The following FAM186B variants were observed in gnomAD, a reference collection of about 807,000 sequenced individuals.
FAM186B encodes protein FAM186B.
FAM186B carries 68 observed loss-of-function variants against 83.4 expected under a neutral mutation model. The ratio of observed to expected loss-of-function variants is 0.81; its 90% CI spans 0.67 to 1.00. The LOEUF is 1.00. FAM186B is among the 50% of genes least tolerant of loss of function. The probability of loss-of-function intolerance (pLI) is 0.00; values close to 1 mark genes in which losing one functional copy is unlikely to be tolerated. For synonymous variants in FAM186B, 389 were observed against 422.0 expected, an observed-to-expected ratio of 0.92 and a Z score of 0.96; for missense variants, 983 against 1,099.2, an observed-to-expected ratio of 0.89 and a Z score of 1.49.
chr12:49,587,598 A>C lies in FAM186B; in HGVS notation c.*7T>G, dbSNP rs775582547. On this transcript the variant is annotated 3_prime_UTR_variant, in exon 7 of 7. Coordinates refer to ENST00000257894, the MANE Select transcript of FAM186B (RefSeq NM_032130.3). Reference sequence around the variant, plus strand: ...TTCAGGAAGTTCAGGCTTTTGTGGCAGGAGGACTACACGTCCAGTGTCAAC... The same window carrying C: ...TTCAGGAAGTTCAGGCTTTTGTGGCCGGAGGACTACACGTCCAGTGTCAAC... The C allele has an allele frequency of 5.9e-5, 95 of 1,613,970 alleles. No homozygotes were observed.
chr12:49,610,084 A>T (rs1438514011), upstream of FAM186B, among the ~76,000 whole-genome samples: 1 of 152,022 alleles, frequency 6.6e-6, no homozygotes, highest in Non-Finnish European at 1.5e-5. Flanking sequence ...CAAAAGACCC[A>T]ATCTAATATT....
intron 5 of FAM186B, among the ~76,000 whole-genome samples, chr12:49,589,492 C>T (rs1939529903): frequency 6.6e-6 from 1 of 152,130 alleles, no homozygotes; most frequent in Non-Finnish European, 1.5e-5. Context: ...GAGAGCTATT[C>T]CTGCCATATG....
chr12:49,608,890 T>C (rs1940059128), upstream of FAM186B, among the ~76,000 whole-genome samples: 1 of 151,982 alleles, frequency 6.6e-6, no homozygotes, highest in Non-Finnish European at 1.5e-5. Flanking sequence ...TTGGAGACAC[T>C]GAGAAGGAAA....
At chr12:49,603,512 A>T (rs1939944281) in intron 2 of FAM186B, 145 bp from the exon 3 acceptor site, 2 of 738,256 alleles carry the variant, frequency 2.7e-6, no homozygotes, top group Non-Finnish European at 2.2e-6. Context: ...CAAGTCACTT[A>T]TCCCCCTGAG....
chr12:49,599,464 C>T lies in FAM186B; in HGVS notation c.2171+5G>A. On this transcript the variant is annotated splice_donor_5th_base_variant and intron_variant, in intron 4 of 6. Coordinates refer to ENST00000257894, the MANE Select transcript of FAM186B (RefSeq NM_032130.3). ...GGTGCCAGGTGGGTTCCAGGGAGGA[C>T]CTACCGGAGGCTCTGGAGGCGTCTA... The T allele has an allele frequency of 6.6e-7, 1 of 1,522,784 alleles. No individual in the cohort carries two copies. Among genetic ancestry groups the T allele is most frequent in the Non-Finnish European group, 8.8e-7 (1 of 1,137,878 alleles). The allele number at this position is 1,522,784 out of a possible 1,614,324, so 94.3% of individuals were successfully genotyped here. A position where few individuals can be genotyped will look rare whatever the true frequency, so the allele number is the denominator to read the frequency against.
chr12:49,606,788 C>T (rs925659313), upstream of FAM186B, among the ~76,000 whole-genome samples: 5 of 152,096 alleles, frequency 3.3e-5, no homozygotes, highest in African/African-American at 1.2e-4. Context: ...ACTCCATTGA[C>T]AGTCATAGAA....
upstream of FAM186B, among the ~76,000 whole-genome samples, chr12:49,610,003 T>C (rs1168554011): frequency 6.6e-6 from 1 of 152,220 alleles, no homozygotes. Context: ...TGCCATCTAC[T>C]GGCCTGTACA....
Position 49,605,537 on chromosome 12 carries a change from A to G in FAM186B, c.-60T>C. On this transcript the variant is annotated 5_prime_UTR_variant, in exon 1 of 7. Coordinates refer to ENST00000257894, the MANE Select transcript of FAM186B (RefSeq NM_032130.3). ...GTTTCTGGTCCACAGGCCTGGACAC[A>G]CAATGTTGCCTGCTTTGGAGGTTAA... 1.3e-6 allele frequency: 2 copies of G among 1,557,562 alleles called. No homozygotes were observed. The highest frequency in any genetic ancestry group is 1.2e-5 in the South Asian group (1 of 82,994).
chr12:49,588,387 C>T (rs1939497262), intron 6 of FAM186B, 67 bp downstream of exon 6: 1 of 1,527,142 alleles, frequency 6.5e-7, no homozygotes, highest in Admixed American at 2.0e-5. Flanking sequence ...CCTCCCCAGG[C>T]TGGTCACCCC....
At chr12:49,614,597 A>T in the FAM186B span, among the ~76,000 whole-genome samples, 1 of 152,160 alleles carries the variant, frequency 6.6e-6, no homozygotes, top group Admixed American at 6.5e-5. Flanking sequence ...GGAGAAAAGG[A>T]GGAAAGGGCT....
At chr12:49,599,127 C>G (rs1565809370) in intron 4 of FAM186B, among the ~76,000 whole-genome samples, 180 bp from the exon 5 acceptor site, 1 of 151,876 alleles carries the variant, frequency 6.6e-6, no homozygotes, top group African/African-American at 2.4e-5. Flanking sequence ...TGAGGAGCCT[C>G]AGGGCTGGGA....
chr12:49,607,205 G>C (rs1020938758), upstream of FAM186B, among the ~76,000 whole-genome samples: 2 of 151,980 alleles, frequency 1.3e-5, no homozygotes, highest in African/African-American at 4.8e-5. Context: ...TAAGAATAGA[G>C]ACCAATAGAA....
Position 49,600,788 on chromosome 12 carries a change from C to CT in FAM186B, c.851dup (p.Val285GlyfsTer3). On this transcript the variant is annotated frameshift_variant, in exon 4 of 7. Coordinates refer to ENST00000257894, the MANE Select transcript of FAM186B (RefSeq NM_032130.3). LOFTEE classifies it high-confidence loss of function. The surrounding 1 kb of genome is among the most constrained non-coding windows in gnomAD (Gnocchi z 4.3). ...GAGCATCCCTCCTGCTCTCAAGGACCTCCATGAACTGCTGGAAGTGCAGCC... is the reference window on the plus strand; with the variant it reads ...GAGCATCCCTCCTGCTCTCAAGGACCTTCCATGAACTGCTGGAAGTGCAGCC... 1 of 1,612,090 alleles carries CT rather than the reference C, an allele frequency of 6.2e-7. No homozygotes were observed. The highest frequency in any genetic ancestry group is 8.5e-7 in the Non-Finnish European group (1 of 1,178,750).
chr12:49,599,194 G>A (rs1056974592), intron 4 of FAM186B, among the ~76,000 whole-genome samples: 2 of 152,130 alleles, frequency 1.3e-5, no homozygotes, highest in Non-Finnish European at 2.9e-5. Context: ...TATAGACAGG[G>A]CCATGGGAAG....
chr12:49,591,494 C>CA (rs1259653360), intron 5 of FAM186B, among the ~76,000 whole-genome samples: 5 of 152,114 alleles, frequency 3.3e-5, no homozygotes, highest in Non-Finnish European at 7.4e-5. Context: ...TAAACCTTTT[C>CA]AGACACCAAA....
At chr12:49,593,519 A>C (rs1939636129) in intron 5 of FAM186B, among the ~76,000 whole-genome samples, 1 of 151,774 alleles carries the variant, frequency 6.6e-6, no homozygotes, top group Non-Finnish European at 1.5e-5. Flanking sequence ...TTGTAATCCC[A>C]GCTACTCGGG....
downstream of FAM186B, among the ~76,000 whole-genome samples, chr12:49,585,984 G>T (rs966633051): frequency 6.6e-6 from 1 of 152,194 alleles, no homozygotes; most frequent in African/African-American, 2.4e-5. Flanking sequence ...ACAATGCAGG[G>T]AGCCCCCACA....
At chr12:49,595,506 TA>T in intron 5 of FAM186B, 1 of 467,030 alleles carries the variant, frequency 2.1e-6, no homozygotes, top group Non-Finnish European at 4.3e-6. Context: ...TCCCGCTTGC[TA>T]AGGACAAAAT....
chr12:49,621,169 G>A, the FAM186B span, among the ~76,000 whole-genome samples: 1 of 152,204 alleles, frequency 6.6e-6, no homozygotes, highest in Non-Finnish European at 1.5e-5. Flanking sequence ...GATCACTTGA[G>A]CTCAGGAGTT....
Sources: gnomAD v4.1 joint callset for allele counts (sites outside exome capture counted in the v4.1 genomes callset) on GRCh38, gnomAD v4.1.1 for gene constraint, Gnocchi (gnomAD v3.1) non-coding constraint, MANE v1.5 for transcripts, NCBI Gene and HGNC (gene_info 2026-07-23, HGNC 2026-07-21) for gene names.